Variants in SGCD observed in about 807,000 individuals in gnomAD.
SGCD encodes sarcoglycan delta.
A neutral mutation model predicts 36.6 loss-of-function variants in SGCD; 18 were observed. That is an observed-to-expected ratio of 0.49 (90% CI 0.34 to 0.73). The LOEUF (loss-of-function observed/expected upper bound fraction) is 0.73, where lower values mean the gene tolerates loss of function less well. SGCD is among the 30% of genes least tolerant of loss of function. The probability of loss-of-function intolerance (pLI) is 0.01; values close to 1 mark genes in which losing one functional copy is unlikely to be tolerated. For missense variants in SGCD, 387 were observed against 346.7 expected (o/e 1.12, Z -0.92); for synonymous variants, 133 against 130.6 (o/e 1.02, Z -0.12).
chr5:156,603,329 G>A (rs1392192557), intron 6 of SGCD, among the ~76,000 whole-genome samples: 1 of 151,698 alleles, frequency 6.6e-6, no homozygotes, highest in Non-Finnish European at 1.5e-5. Context: ...TTCTCTTTTT[G>A]TATTAATCTA....
At chr5:155,924,663 G>A (rs778162236) in intron 1 of SGCD, among the ~76,000 whole-genome samples, 67 of 152,144 alleles carry the variant, frequency 4.4e-4, no homozygotes, top group Non-Finnish European at 1.6e-4. Flanking sequence ...ATTGAGAATC[G>A]GAGAATATGC....
chr5:156,725,724 T>C (rs941903029), intron 7 of SGCD, among the ~76,000 whole-genome samples: 3 of 152,214 alleles, frequency 2.0e-5, no homozygotes, highest in Non-Finnish European at 4.4e-5. Context: ...CCAGGGAGTC[T>C]GCCCACTGCC....
Position 156,080,728 on chromosome 5 carries a change from A to G in SGCD, c.-281-37150A>G, listed in dbSNP as rs554914730. ...ATGGGTGACCTTTGTTGTAATTTCC[A>G]ATAAGTTCCTCATTTCCATCTGAAA... On this transcript the variant is annotated intron_variant, in intron 1 of 9. Coordinates refer to the SGCD transcript ENST00000517913. Among the ~76,000 whole-genome samples the G allele has an allele frequency of 3.3e-5, 5 of 152,350 alleles. No homozygotes were observed. In the East Asian group the frequency reaches 9.7e-4, roughly 29 times the overall value.
At chr5:156,005,424 AGTTTTTGTTGTT>A (rs1758738090) in intron 1 of SGCD, among the ~76,000 whole-genome samples, 2 of 147,158 alleles carry the variant, frequency 1.4e-5, no homozygotes, top group South Asian at 2.1e-4. Flanking sequence ...AGTAGTCTTC[AGTTTTTGTTGTT>A]GTTGTTGTTG....
chr5:155,959,354 T>G (rs56708228), intron 1 of SGCD, among the ~76,000 whole-genome samples: 46,823 of 152,010 alleles, frequency 0.31, 7,982 homozygotes, highest in African/African-American at 0.44. Context: ...CTTCCTTATG[T>G]TTTCTCCAAG....
chr5:156,575,073 G>C (rs182802341), intron 4 of SGCD, among the ~76,000 whole-genome samples: 5 of 152,204 alleles, frequency 3.3e-5, no homozygotes, highest in Non-Finnish European at 5.9e-5. Context: ...TGCAAATGTG[G>C]CCAAAAGCCA....
chr5:156,181,701 A>G (rs889280341), intron 3 of SGCD, among the ~76,000 whole-genome samples: 3 of 152,208 alleles, frequency 2.0e-5, no homozygotes, highest in African/African-American at 7.2e-5. Context: ...TATAAGTCAG[A>G]TGATTCTTGG....
intron 7 of SGCD, among the ~76,000 whole-genome samples, chr5:156,738,018 T>A (rs1041821720): frequency 7.9e-5 from 12 of 152,212 alleles, no homozygotes; most frequent in African/African-American, 2.7e-4. Flanking sequence ...AAATAACATT[T>A]GTGAATGTAT....
intron 1 of SGCD, among the ~76,000 whole-genome samples, chr5:155,893,674 G>A (rs1261203106): frequency 1.3e-5 from 2 of 152,172 alleles, no homozygotes. Context: ...AATAAAATAG[G>A]ACAATAGTTC....
At chr5:155,758,957 G>T in the SGCD span, among the ~76,000 whole-genome samples, 1 of 151,686 alleles carries the variant, frequency 6.6e-6, no homozygotes, top group Non-Finnish European at 1.5e-5. Flanking sequence ...TCATGAAGTT[G>T]GTGTATTATT....
At chr5:156,436,375 C>T (rs550408028) in intron 3 of SGCD, among the ~76,000 whole-genome samples, 1 of 152,292 alleles carries the variant, frequency 6.6e-6, no homozygotes, top group East Asian at 1.9e-4. Context: ...TGAATGATTG[C>T]ACAAACAAAT....
intron 1 of SGCD, among the ~76,000 whole-genome samples, chr5:156,026,436 C>T (rs964314200): frequency 3.3e-5 from 5 of 152,148 alleles, no homozygotes; most frequent in Non-Finnish European, 7.4e-5. Context: ...CTTAGTCTGA[C>T]CTCTCAGGAG....
In SGCD at chr5:156,761,926, G is replaced by T. The variant is rs1257144990; in HGVS notation, c.*2536G>T. 6 of 152,336 alleles carry T rather than the reference G, an allele frequency of 3.9e-5. No homozygotes were observed. The highest frequency in any genetic ancestry group is 3.3e-4 in the Admixed American group (5 of 15,280). The allele number at this position is 152,336 out of a possible 1,614,324, so 9.4% of individuals were successfully genotyped here. On this transcript the variant is annotated 3_prime_UTR_variant, in exon 9 of 9. Transcript: ENST00000337851. ...ATTCAATTTTTCATTTATGCTAAGT[G>T]ACCACAGTATACAAAGTAATAAGCA...
intron 4 of SGCD, among the ~76,000 whole-genome samples, chr5:156,515,026 C>G (rs1362990387): frequency 6.6e-6 from 1 of 152,130 alleles, no homozygotes; most frequent in Non-Finnish European, 1.5e-5. Context: ...TCCTCTGAAT[C>G]AAATGGTCTT....
chr5:156,370,822 T>C (rs1770346241), intron 3 of SGCD, among the ~76,000 whole-genome samples: 1 of 152,034 alleles, frequency 6.6e-6, no homozygotes, highest in Non-Finnish European at 1.5e-5. Flanking sequence ...AAACAGAACA[T>C]CGGTGAGTAA....
the SGCD span, among the ~76,000 whole-genome samples, chr5:155,828,322 C>T: frequency 6.6e-6 from 1 of 152,108 alleles, no homozygotes; most frequent in Admixed American, 6.6e-5. Context: ...TGTGGTAAAG[C>T]CAGAATTTAA....
the SGCD span, among the ~76,000 whole-genome samples, chr5:155,834,155 G>C: frequency 6.6e-6 from 1 of 150,774 alleles, no homozygotes; most frequent in Non-Finnish European, 1.5e-5. Flanking sequence ...ATTTTGTCTT[G>C]TGTAATTATT....
intron 3 of SGCD, among the ~76,000 whole-genome samples, chr5:156,273,395 C>T (rs572642948): frequency 1.3e-5 from 2 of 152,272 alleles, no homozygotes; most frequent in African/African-American, 2.4e-5. Flanking sequence ...CCAAGATTAG[C>T]GATAGGGAGA....
intron 1 of SGCD, among the ~76,000 whole-genome samples, chr5:156,049,368 A>C (rs2127580721): frequency 6.8e-6 from 1 of 146,094 alleles, no homozygotes; most frequent in East Asian, 1.9e-4. Flanking sequence ...GAAGAAAGTC[A>C]TTGGTAGCTT....
Sources: gnomAD v4.1 joint callset for allele counts (sites outside exome capture counted in the v4.1 genomes callset) on GRCh38, gnomAD v4.1.1 for gene constraint, MANE v1.5 for transcripts, NCBI Gene and HGNC (gene_info 2026-07-23, HGNC 2026-07-21) for gene names.